Variants in PID1 observed in about 807,000 individuals in gnomAD.
PID1 encodes phosphotyrosine interaction domain containing 1, also known as PTB-containing, cubilin and LRP1-interacting protein.
PID1 carries 10 observed loss-of-function variants against 19.1 expected under a neutral mutation model. The observed-to-expected ratio is 0.52, with a 90% CI of 0.32 to 0.89. The LOEUF (loss-of-function observed/expected upper bound fraction) is 0.89. Ranked by LOEUF, PID1 falls within the 40% of genes least tolerant of loss-of-function variation. The pLI is 0.03. For missense variants in PID1, 248 were observed against 285.3 expected, an observed-to-expected ratio of 0.87 and a Z score of 0.94; for synonymous variants, 130 against 116.0, an observed-to-expected ratio of 1.12 and a Z score of -0.78.
At position 229,271,054 on chromosome 2, in the gene PID1, T is replaced by C. The variant is rs767926514; in HGVS notation, c.-11A>G. On this transcript the variant is annotated 5_prime_UTR_variant, in exon 1 of 3. Transcript: ENST00000392055. ...GGCCGGCTGCCACATCTTCCAGCCC[T>C]GGGTTTTGGCAGAGGAGACGCTGGC... 6.5e-6 allele frequency: 10 copies of C among 1,544,882 alleles called. No homozygotes were observed. Among genetic ancestry groups the C allele is most frequent in the South Asian group, 6.0e-5 (5 of 83,694 alleles).
intron 2 of PID1, among the ~76,000 whole-genome samples, chr2:229,117,441 G>C (rs944665914): frequency 6.6e-6 from 1 of 152,044 alleles, no homozygotes; most frequent in Admixed American, 6.6e-5. Context: ...CAACATTATT[G>C]CTTGCCTGGA....
intron 2 of PID1, among the ~76,000 whole-genome samples, chr2:229,084,153 A>G (rs1357440931): frequency 2.6e-5 from 4 of 152,202 alleles, no homozygotes; most frequent in African/African-American, 9.6e-5. Context: ...CTAAACTAGA[A>G]CTATACACGA....
At chr2:229,123,150 G>A (rs187495083) in intron 2 of PID1, among the ~76,000 whole-genome samples, 9 of 151,812 alleles carry the variant, frequency 5.9e-5, no homozygotes, top group East Asian at 3.9e-4. Flanking sequence ...AAAAAAACTC[G>A]TTATCTATTA....
chr2:229,201,234 C>T (rs528543490), intron 1 of PID1, among the ~76,000 whole-genome samples: 1 of 152,164 alleles, frequency 6.6e-6, no homozygotes, highest in South Asian at 2.1e-4. Flanking sequence ...CAGAACTGTT[C>T]ATCTTCCCAA....
chr2:229,090,581 C>T (rs962638320), intron 2 of PID1, among the ~76,000 whole-genome samples: 2 of 152,166 alleles, frequency 1.3e-5, no homozygotes, highest in African/African-American at 4.8e-5. Context: ...AGGCCTTAGT[C>T]CTACTCCTCC....
chr2:229,259,639 G>A (rs1246830269), intron 1 of PID1, among the ~76,000 whole-genome samples: 1 of 152,172 alleles, frequency 6.6e-6, no homozygotes, highest in African/African-American at 2.4e-5. Context: ...GTTTGTTGAT[G>A]TTTTCACTGT....
chr2:229,065,712 CA>C (rs71988256), intron 2 of PID1, among the ~76,000 whole-genome samples: 1 of 103,960 alleles, frequency 9.6e-6, no homozygotes, highest in Non-Finnish European at 1.8e-5. Flanking sequence ...TTGTGATTTA[CA>C]AAAAAAAAAA....
At chr2:229,031,922 A>G (rs1461692610) in intron 2 of PID1, among the ~76,000 whole-genome samples, 2 of 152,232 alleles carry the variant, frequency 1.3e-5, no homozygotes, top group African/African-American at 4.8e-5. Flanking sequence ...ACTGTAAGTC[A>G]CTGAAAAACA....
intron 1 of PID1, among the ~76,000 whole-genome samples, chr2:229,191,701 T>C (rs138826796): frequency 1.3e-5 from 2 of 152,346 alleles, no homozygotes; most frequent in African/African-American, 4.8e-5. Flanking sequence ...ATGCAATATG[T>C]GAATCAGCAC....
At chr2:229,060,402 C>T (rs1694187805) in intron 2 of PID1, among the ~76,000 whole-genome samples, 1 of 152,086 alleles carries the variant, frequency 6.6e-6, no homozygotes, top group Non-Finnish European at 1.5e-5. Context: ...ATAAGCACTT[C>T]TCATAATGTT....
At chr2:229,051,575 C>A (rs959188920) in intron 2 of PID1, among the ~76,000 whole-genome samples, 3 of 152,102 alleles carry the variant, frequency 2.0e-5, no homozygotes, top group African/African-American at 7.2e-5. Flanking sequence ...AGAGCCCAAG[C>A]GATCTGCTTG....
rs190769078 is a variant in PID1, at chr2:229,074,853, T to C, written c.178-48745A>G. ...TTTCAAGGTGATTTGAGCTTGCTGTTGAGAAAGTTTTAAAAATGCGGGGAC... is the reference window on the plus strand; with the variant it reads ...TTTCAAGGTGATTTGAGCTTGCTGTCGAGAAAGTTTTAAAAATGCGGGGAC... On this transcript the variant is annotated intron_variant, in intron 2 of 2. Coordinates refer to ENST00000392055, the MANE Select transcript of PID1 (RefSeq NM_001100818.2). 2.0e-5 allele frequency among the ~76,000 whole-genome samples: 3 copies of C among 152,286 alleles called. No individual in the cohort carries two copies. The East Asian group carries it at 5.8e-4, about 29-fold the overall frequency.
intron 2 of PID1, among the ~76,000 whole-genome samples, chr2:229,054,675 A>G (rs1192826770): frequency 7.9e-6 from 1 of 127,140 alleles, no homozygotes; most frequent in African/African-American, 3.0e-5. Context: ...CTGCAATTCC[A>G]TAAGCTCTAG....
intron 2 of PID1, among the ~76,000 whole-genome samples, chr2:229,061,396 C>CA (rs200382296): frequency 6.4e-4 from 97 of 151,308 alleles, no homozygotes; most frequent in East Asian, 4.5e-3. Context: ...GCATCTTCAT[C>CA]AAAAAAAACA....
chr2:229,134,353 C>T (rs1689813720), intron 2 of PID1, among the ~76,000 whole-genome samples: 1 of 150,622 alleles, frequency 6.6e-6, no homozygotes, highest in Non-Finnish European at 1.5e-5. Flanking sequence ...AATTCTCCTG[C>T]CTCGGCCTCC....
intron 2 of PID1, among the ~76,000 whole-genome samples, chr2:229,033,708 T>C (rs1159070787): frequency 6.6e-6 from 1 of 152,200 alleles, no homozygotes; most frequent in Non-Finnish European, 1.5e-5. Context: ...TTTACTGTTT[T>C]TCCATTGTCT....
intron 2 of PID1, among the ~76,000 whole-genome samples, chr2:229,118,398 T>C (rs1404539932): frequency 6.6e-6 from 1 of 152,182 alleles, no homozygotes; most frequent in African/African-American, 2.4e-5. Flanking sequence ...CACGTGCCTA[T>C]ATGACAGAAT....
intron 2 of PID1, among the ~76,000 whole-genome samples, chr2:229,035,853 G>A (rs902834484): frequency 3.3e-5 from 5 of 152,164 alleles, no homozygotes; most frequent in Non-Finnish European, 7.3e-5. Flanking sequence ...TAAACATCCT[G>A]CAAGGTGGTT....
At chr2:229,083,841 C>A (rs1559225530) in intron 2 of PID1, among the ~76,000 whole-genome samples, 2 of 152,142 alleles carry the variant, frequency 1.3e-5, no homozygotes, top group Non-Finnish European at 2.9e-5. Flanking sequence ...ACAGCCAACG[C>A]CACAAGAGAG....
Sources: gnomAD v4.1 joint callset for allele counts (sites outside exome capture counted in the v4.1 genomes callset) on GRCh38, gnomAD v4.1.1 for gene constraint, MANE v1.5 for transcripts, NCBI Gene and HGNC (gene_info 2026-07-23, HGNC 2026-07-21) for gene names.